Variants in PTP4A2 observed in about 807,000 individuals in gnomAD.
PTP4A2 encodes the protein protein tyrosine phosphatase 4A2, also known as protein tyrosine phosphatase type IVA 2.
PTP4A2 carries 2 observed loss-of-function variants against 22.9 expected under a neutral mutation model. That is an observed-to-expected ratio of 0.09 (90% CI 0.04 to 0.27). The LOEUF (loss-of-function observed/expected upper bound fraction) is 0.27, where lower values mean the gene tolerates loss of function less well. PTP4A2 is among the 10% of genes least tolerant of loss of function. The pLI, the probability that PTP4A2 is intolerant of heterozygous loss-of-function variation, is 1.00. For missense variants in PTP4A2, 103 were observed against 205.1 expected (o/e 0.50, Z 3.04); for synonymous variants, 68 against 69.1 (o/e 0.98, Z 0.08).
chr1:31,916,495 C>T (rs1275036699), intron 2 of PTP4A2, among the ~76,000 whole-genome samples: 3 of 151,906 alleles, frequency 2.0e-5, no homozygotes, highest in African/African-American at 7.3e-5. Flanking sequence ...GTGAGACTCA[C>T]CTTTCTAAAG....
At chr1:31,910,228 A>G (rs1470213361) in intron 4 of PTP4A2, 116 bp from the exon 5 acceptor site, 6 of 708,788 alleles carry the variant, frequency 8.5e-6, no homozygotes, top group East Asian at 7.9e-5. Flanking sequence ...CCTGTATACT[A>G]AAGTAGCTGG....
At position 31,908,072 on chromosome 1, in the gene PTP4A2, T is replaced by C. The variant is rs1162148239; in HGVS notation, c.*780A>G. On this transcript the variant is annotated 3_prime_UTR_variant, in exon 6 of 6. Transcript: ENST00000647444. ...AGATAGGGTTTTGAAGAAACTAACA[T>C]GAACACCCTTTCATCAGTAAAGACT... is the stretch of plus-strand genomic sequence containing the variant. 7 of 128,302 alleles carry C rather than the reference T, an allele frequency of 5.5e-5. No individual in the cohort carries two copies. Among genetic ancestry groups the C allele is most frequent in the Non-Finnish European group, 9.9e-5 (6 of 60,650 alleles). 7.9% of individuals were successfully genotyped at this position (128,302 alleles called of 1,614,324 possible).
rs1374410846 is a variant in PTP4A2 at position 31,908,192 on chromosome 1, AT to A, written c.*659del. The A allele has an allele frequency of 2.8e-4, 5 of 17,622 alleles. 1 individual carries two copies. Among genetic ancestry groups the A allele is most frequent in the African/African-American group, 1.2e-3 (5 of 4,240 alleles). 1.1% of individuals were successfully genotyped at this position (17,622 alleles called of 1,614,324 possible). On this transcript the variant is annotated 3_prime_UTR_variant, in exon 6 of 6. Transcript: ENST00000647444. ...TATATATATATATATATATATATATATATATATATATATATCACTGCTGTTT... is the reference window on the plus strand; with the variant it reads ...TATATATATATATATATATATATATAATATATATATATATCACTGCTGTTT...
In PTP4A2 at chr1:31,937,986, CGCTGGCGA is replaced by C. The variant is rs1653021674; in HGVS notation, c.-601_-594del. 6.6e-6 allele frequency: 1 copy of C among 152,314 alleles called. No individual in the cohort carries two copies. The highest frequency in any genetic ancestry group is 2.4e-5 in the African/African-American group (1 of 41,226). The allele number at this position is 152,314 out of a possible 1,614,324, so 9.4% of individuals were successfully genotyped here. ...GGGCCGCCCGGGAGGGGCGCACTCA[CGCTGGCGA>C]GCTGGGGACTGGGCATTGAAGTCCG... On this transcript the variant is annotated splice_region_variant and 5_prime_UTR_variant, in exon 1 of 6. Coordinates refer to ENST00000647444, the MANE Select transcript of PTP4A2 (RefSeq NM_080391.4).
intron 2 of PTP4A2, among the ~76,000 whole-genome samples, chr1:31,918,560 G>A (rs979418316): frequency 6.6e-6 from 1 of 152,198 alleles, no homozygotes; most frequent in African/African-American, 2.4e-5. Context: ...CTCTGAACCT[G>A]TTTCCTCATT....
chr1:31,918,233 C>T (rs1416254891), intron 2 of PTP4A2, among the ~76,000 whole-genome samples: 3 of 149,538 alleles, frequency 2.0e-5, no homozygotes, highest in Non-Finnish European at 3.0e-5. Flanking sequence ...TGGCGAAGAG[C>T]GAGACTCCAT....
chr1:31,930,327 G>C (rs1224218642), intron 1 of PTP4A2, among the ~76,000 whole-genome samples: 1 of 151,788 alleles, frequency 6.6e-6, no homozygotes, highest in Non-Finnish European at 1.5e-5. Flanking sequence ...GCGACAGTGA[G>C]ACTCCATCTC....
intron 2 of PTP4A2, among the ~76,000 whole-genome samples, chr1:31,917,439 T>C (rs1292277383): frequency 5.3e-5 from 8 of 152,224 alleles, no homozygotes; most frequent in Non-Finnish European, 8.8e-5. Flanking sequence ...TCAGGAATTT[T>C]AAAAATGTTT....
intron 3 of PTP4A2, among the ~76,000 whole-genome samples, chr1:31,914,739 T>C (rs1220478697): frequency 6.6e-6 from 1 of 152,178 alleles, no homozygotes; most frequent in Non-Finnish European, 1.5e-5. Context: ...GACAACTACT[T>C]AGGGAAGAAA....
At chr1:31,925,761 A>G (rs1014808461) in intron 1 of PTP4A2, among the ~76,000 whole-genome samples, 3 of 131,082 alleles carry the variant, frequency 2.3e-5, no homozygotes, top group African/African-American at 2.7e-5. Flanking sequence ...CTCCATCTCA[A>G]AAAAAAAAAA....
chr1:31,937,896 G>A (rs551248466), intron 1 of PTP4A2, 91 bp downstream of exon 1: 1 of 147,024 alleles, frequency 6.8e-6, no homozygotes, highest in East Asian at 2.1e-4. Flanking sequence ...CGTGTCTCCG[G>A]CCTGCACTAA....
At chr1:31,910,729 T>C (rs1223618258) in intron 4 of PTP4A2, 1 of 152,232 alleles carries the variant, frequency 6.6e-6, no homozygotes, top group Non-Finnish European at 1.5e-5. Context: ...TTAGCCATTA[T>C]CACAGTAAAA....
At chr1:31,933,533 G>C (rs532486514) in intron 1 of PTP4A2, 1 of 152,012 alleles carries the variant, frequency 6.6e-6, no homozygotes, top group Non-Finnish European at 1.5e-5. Context: ...TCAGGGGTTC[G>C]GGACCAGCCT....
At chr1:31,933,890 A>G (rs909043273) in intron 1 of PTP4A2, 9 of 152,250 alleles carry the variant, frequency 5.9e-5, no homozygotes, top group African/African-American at 1.9e-4. Context: ...AAAGGGTAAT[A>G]TTGAACTTTA....
chr1:31,931,374 A>C (rs1432039100), intron 1 of PTP4A2, among the ~76,000 whole-genome samples: 1 of 152,174 alleles, frequency 6.6e-6, no homozygotes, highest in African/African-American at 2.4e-5. Context: ...AGAAGCCTTG[A>C]CCGGGCTGAG....
chr1:31,928,032 C>T (rs1450705353), intron 1 of PTP4A2, among the ~76,000 whole-genome samples: 1 of 151,712 alleles, frequency 6.6e-6, no homozygotes, highest in Non-Finnish European at 1.5e-5. Context: ...TTATAACCTA[C>T]TCCCAAATCA....
intron 1 of PTP4A2, among the ~76,000 whole-genome samples, chr1:31,922,638 TA>T (rs1440154525): frequency 4.3e-5 from 6 of 138,810 alleles, no homozygotes; most frequent in South Asian, 2.3e-4. Flanking sequence ...TTCTTTCTTT[TA>T]TTTATTTTGA....
intron 3 of PTP4A2, among the ~76,000 whole-genome samples, chr1:31,915,176 T>G (rs1651759517): frequency 6.6e-6 from 1 of 152,250 alleles, no homozygotes; most frequent in African/African-American, 2.4e-5. Context: ...TACATGTTGT[T>G]AAAATAAGAG....
At chr1:31,912,993 C>A (rs1236849215) in intron 3 of PTP4A2, 3 of 453,604 alleles carry the variant, frequency 6.6e-6, no homozygotes, top group Non-Finnish European at 1.3e-5. Flanking sequence ...TAGTCAAGAG[C>A]TTACTTCCTC....
Sources: allele counts gnomAD v4.1 joint callset (sites outside exome capture counted in the v4.1 genomes callset), GRCh38; gene constraint gnomAD v4.1.1; transcripts MANE v1.5; gene names NCBI Gene and HGNC (gene_info 2026-07-23, HGNC 2026-07-21).